The following FAM90A23 variants were observed in gnomAD, a reference collection of about 807,000 sequenced individuals.
FAM90A23 encodes the protein protein FAM90A23.
chr8:7,579,644 T>C, the FAM90A23 span: 3 of 281,842 alleles, frequency 1.1e-5, no homozygotes, highest in Middle Eastern at 9.4e-4. Context: ...ACCTGCAGTC[T>C]CACTCCAGGT....
chr8:7,580,938 G>A, the FAM90A23 span, among the ~76,000 whole-genome samples: 2 of 143,430 alleles, frequency 1.4e-5, no homozygotes, highest in African/African-American at 5.2e-5. Context: ...CTGGCTCAAG[G>A]GTACTCGGGA....
the FAM90A23 span, chr8:7,579,918 TG>T: frequency 3.2e-6 from 2 of 622,230 alleles, no homozygotes; most frequent in Non-Finnish European, 5.3e-6. Flanking sequence ...GGTGCAGGCC[TG>T]GGCAGTAGGC....
Sources: gnomAD v4.1 joint callset for allele counts (sites outside exome capture counted in the v4.1 genomes callset) on GRCh38, gnomAD v4.1.1 for gene constraint, MANE v1.5 for transcripts, NCBI Gene and HGNC (gene_info 2026-07-23, HGNC 2026-07-21) for gene names.